DNAH3: variants seen among roughly 807,000 people sequenced by gnomAD.
DNAH3 encodes axonemal beta dynein heavy chain 3.
DNAH3 carries 332 observed loss-of-function variants against 432.5 expected under a neutral mutation model. The ratio of observed to expected loss-of-function variants is 0.77; its 90% CI spans 0.70 to 0.84. The LOEUF (loss-of-function observed/expected upper bound fraction) is 0.84. Ranked by LOEUF, DNAH3 falls within the 40% of genes least tolerant of loss-of-function variation. The pLI, the probability that DNAH3 is intolerant of heterozygous loss-of-function variation, is 0.00. For synonymous variants in DNAH3, 1,956 were observed against 1,900.2 expected (o/e 1.03, Z -0.76); for missense variants, 4,861 against 5,114.0 (o/e 0.95, Z 1.51).
rs760935801 is a variant in DNAH3 at position 20,959,252 on chromosome 16, C to T, written c.10753G>A (p.Ala3585Thr). 1.2e-5 allele frequency: 20 copies of T among 1,614,058 alleles called. No individual in the cohort carries two copies. In the Admixed American group the frequency reaches 2.2e-4, roughly 17 times the overall value. The change falls in exon 54 of 62, where the codon GCA becomes ACA. Residue 3585 changes from alanine (A) to threonine (T), a missense_variant. Physicochemically the swap from Ala to Thr is moderately conservative, Grantham distance 58. Coordinates refer to ENST00000261383, the Ensembl canonical transcript of DNAH3. ...TTCTCCAGGGTAGGCATCCAGCTTG[C>T]GGCCAGGTGGCAGTTCTGTAAGACC...
intron 44 of DNAH3, among the ~76,000 whole-genome samples, chr16:20,996,483 A>G (rs1395598355): frequency 2.0e-5 from 3 of 151,938 alleles, no homozygotes; most frequent in African/African-American, 4.8e-5. Context: ...TTTTTGAGAC[A>G]GAGTCTCATT....
exon 53 of DNAH3, chr16:20,963,937 G>A (rs1401233745): frequency 6.8e-6 from 11 of 1,614,108 alleles, no homozygotes; most frequent in Admixed American, 1.7e-5. Flanking sequence ...CTGGTACATC[G>A]GCTCGATGTT....
At chr16:20,955,901 C>A (rs938290121) in intron 54 of DNAH3, among the ~76,000 whole-genome samples, 1 of 151,218 alleles carries the variant, frequency 6.6e-6, no homozygotes, top group Non-Finnish European at 1.5e-5. Context: ...TCTTTTTTTT[C>A]ATTTTTATTA....
At chr16:20,984,398 A>G (rs1295175595) in intron 48 of DNAH3, among the ~76,000 whole-genome samples, 2 of 152,076 alleles carry the variant, frequency 1.3e-5, no homozygotes, top group Non-Finnish European at 2.9e-5. Context: ...AAGAGAGTGG[A>G]TATGAGACAG....
intron 23 of DNAH3, among the ~76,000 whole-genome samples, chr16:21,067,786 A>AGG (rs2090620762): frequency 9.4e-6 from 1 of 106,732 alleles, no homozygotes; most frequent in Non-Finnish European, 2.0e-5. Flanking sequence ...GGAGAGAGAG[A>AGG]GAGAGAGAGA....
chr16:21,018,327 A>G (rs761658781), intron 41 of DNAH3, among the ~76,000 whole-genome samples: 4 of 152,204 alleles, frequency 2.6e-5, no homozygotes, highest in Non-Finnish European at 5.9e-5. Flanking sequence ...TGTTCTAGGA[A>G]TATAGAAAAA....
intron 41 of DNAH3, among the ~76,000 whole-genome samples, chr16:21,003,927 A>C (rs780093056): frequency 6.6e-6 from 1 of 152,200 alleles, no homozygotes; most frequent in Non-Finnish European, 1.5e-5. Context: ...GGAAAGACAG[A>C]TAGATGAAAG....
chr16:20,936,709 TG>T lies in DNAH3; in HGVS notation c.11798del (p.Pro3933HisfsTer3). On this transcript the variant is annotated frameshift_variant, in exon 60 of 62. Transcript: ENST00000261383. LOFTEE classifies it high-confidence loss of function. ...CGTAGCCCCCCAGAGGCTTCAGTGA[TG>T]GGTAAGACTTGGCTGCCCACATGGC... is the stretch of plus-strand genomic sequence containing the variant. 6.2e-7 allele frequency: 1 copy of T among 1,609,276 alleles called. No individual in the cohort carries two copies. Among genetic ancestry groups the T allele is most frequent in the Non-Finnish European group, 8.5e-7 (1 of 1,177,864 alleles).
chr16:21,133,792 A>G (rs998802057), intron 7 of DNAH3, among the ~76,000 whole-genome samples: 2 of 152,210 alleles, frequency 1.3e-5, no homozygotes, highest in African/African-American at 4.8e-5. Context: ...CAAATTAACA[A>G]TTACTGGTGC....
At chr16:21,087,098 G>T in intron 18 of DNAH3, 38 bp from the exon 19 acceptor site, 1 of 1,532,306 alleles carries the variant, frequency 6.5e-7, no homozygotes, top group Non-Finnish European at 9.0e-7. Flanking sequence ...AGACCATCAT[G>T]TGGATGTTAG....
intron 9 of DNAH3, among the ~76,000 whole-genome samples, chr16:21,122,484 G>A (rs2092364662): frequency 6.6e-6 from 1 of 152,148 alleles, no homozygotes; most frequent in African/African-American, 2.4e-5. Context: ...TTGAACCCAG[G>A]AGGCAGAGGT....
In DNAH3 at chr16:20,982,802, T is replaced by A. The variant is rs1451281821; in HGVS notation, c.7778A>T (p.Gln2593Leu). The stretch of plus-strand genomic sequence containing the variant: ...CTCTAGGGCATCTGTGGGCCAGGAC[T>A]GGAACCAATCAATCGTACAGCAATT... Residue 2593 changes from glutamine (Q) to leucine (L), a missense_variant, in exon 49 of 62, where the codon CAG becomes CTG. By Grantham distance (113) the Gln-to-Leu change is moderately radical. Coordinates refer to ENST00000261383, the Ensembl canonical transcript of DNAH3. The A allele has an allele frequency of 1.9e-6, 3 of 1,614,106 alleles. No homozygotes were observed. The highest frequency in any genetic ancestry group is 3.3e-5 in the Admixed American group (2 of 60,004).
chr16:21,022,670 C>T (rs990890449), intron 39 of DNAH3, among the ~76,000 whole-genome samples: 2 of 151,792 alleles, frequency 1.3e-5, no homozygotes, highest in African/African-American at 2.4e-5. Context: ...AAAAGTTATC[C>T]GACTTGCTTT....
chr16:21,076,768 G>A (rs563607130), intron 20 of DNAH3, among the ~76,000 whole-genome samples: 2 of 152,182 alleles, frequency 1.3e-5, no homozygotes, highest in African/African-American at 4.8e-5. Context: ...ACTGCCCAGT[G>A]GGAACTCTCA....
chr16:21,144,203 T>C (rs2092754277), intron 3 of DNAH3, among the ~76,000 whole-genome samples: 1 of 152,104 alleles, frequency 6.6e-6, no homozygotes, highest in African/African-American at 2.4e-5. Flanking sequence ...TGTGGTGTAA[T>C]CCTCTCCCCT....
chr16:21,121,456 A>T (rs961026338), intron 10 of DNAH3, among the ~76,000 whole-genome samples: 1 of 152,236 alleles, frequency 6.6e-6, no homozygotes, highest in South Asian at 2.1e-4. Context: ...GAAATTGAAA[A>T]AAAGTTCTTG....
chr16:21,023,786 GGTGT>G (rs3220045), intron 39 of DNAH3, among the ~76,000 whole-genome samples: 340 of 146,430 alleles, frequency 2.3e-3, no homozygotes, highest in Admixed American at 4.8e-3. Flanking sequence ...CAGCTTTTGG[GGTGT>G]GTGTGTGTGT....
chr16:21,030,940 A>G (rs971529672), intron 37 of DNAH3, 105 bp downstream of exon 37: 4 of 1,177,680 alleles, frequency 3.4e-6, no homozygotes, highest in Non-Finnish European at 4.9e-6. Context: ...TACAGAATAC[A>G]TACATAATAA....
exon 53 of DNAH3, chr16:20,963,347 T>C: frequency 6.2e-7 from 1 of 1,614,114 alleles, no homozygotes; most frequent in Admixed American, 1.7e-5. Context: ...CTGGAATCAT[T>C]GTAGGATCCC....
Sources: allele counts gnomAD v4.1 joint callset (sites outside exome capture counted in the v4.1 genomes callset), GRCh38; gene constraint gnomAD v4.1.1; transcripts MANE v1.5; gene names NCBI Gene and HGNC (gene_info 2026-07-23, HGNC 2026-07-21).